NPLOC4: variants seen among roughly 807,000 people sequenced by gnomAD.
NPLOC4 encodes the protein nuclear protein localization protein 4 homolog.
Under a neutral mutation model 80.6 loss-of-function variants are expected in NPLOC4, and 18 were observed. The observed-to-expected ratio is 0.22, with a 90% CI of 0.15 to 0.33. The LOEUF (loss-of-function observed/expected upper bound fraction) is 0.33, where lower values mean the gene tolerates loss of function less well. Among genes scored for constraint, NPLOC4 ranks in the 10% least tolerant of loss-of-function variants. The pLI is 1.00. For missense variants in NPLOC4, 540 were observed against 786.1 expected, an observed-to-expected ratio of 0.69 and a Z score of 3.74; for synonymous variants, 313 against 301.5, an observed-to-expected ratio of 1.04 and a Z score of -0.39.
intron 12 of NPLOC4, among the ~76,000 whole-genome samples, chr17:81,574,900 CAA>C (rs1491102268): frequency 6.7e-6 from 1 of 150,102 alleles, no homozygotes; most frequent in Non-Finnish European, 1.5e-5. Flanking sequence ...CACACACACA[CAA>C]ACACAAAAGC....
At chr17:81,626,779 A>AAATAAT (rs936355755) in intron 2 of NPLOC4, among the ~76,000 whole-genome samples, 7 of 152,136 alleles carry the variant, frequency 4.6e-5, no homozygotes, top group African/African-American at 1.7e-4. Context: ...ACCTAGGCAA[A>AAATAAT]AATAATAATA....
At chr17:81,590,304 A>G (rs2144144773) in intron 11 of NPLOC4, among the ~76,000 whole-genome samples, 1 of 152,254 alleles carries the variant, frequency 6.6e-6, no homozygotes, top group Non-Finnish European at 1.5e-5. Flanking sequence ...GAATGACTTC[A>G]TGTGGGGACA....
rs1402674968 is a variant in NPLOC4 at position 81,572,086 on chromosome 17, G to A, written c.1284C>T (p.Asp428=). The A allele has an allele frequency of 7.5e-6, 12 of 1,607,956 alleles. No homozygotes were observed. Among genetic ancestry groups the A allele is most frequent in the Middle Eastern group, 1.6e-4 (1 of 6,074 alleles). Residue 428 remains aspartate (D), a splice_region_variant and synonymous_variant, in exon 13 of 17, where the codon GAC becomes GAT. Coordinates refer to ENST00000331134, the MANE Select transcript of NPLOC4 (RefSeq NM_017921.4). The surrounding 1 kb of genome is among the most constrained non-coding windows in gnomAD (Gnocchi z 4.5). Reference sequence around the variant, plus strand: ...TGATCTCGTTGCCAAACTTGTCTACGTCCTGCAATAGTCAGAGGGGAACAG... The same window carrying A: ...TGATCTCGTTGCCAAACTTGTCTACATCCTGCAATAGTCAGAGGGGAACAG... ...EQYVPDVFYK[D]VDKFGNEITQ...
intron 11 of NPLOC4, among the ~76,000 whole-genome samples, chr17:81,593,228 G>C (rs1364439153): frequency 1.3e-5 from 2 of 152,030 alleles, no homozygotes; most frequent in South Asian, 2.1e-4. Context: ...GACTACAATA[G>C]TGTAAGCTGA....
At chr17:81,629,379 G>A (rs556591761) in intron 2 of NPLOC4, among the ~76,000 whole-genome samples, 1 of 151,276 alleles carries the variant, frequency 6.6e-6, no homozygotes, top group African/African-American at 2.4e-5. Flanking sequence ...TTTAGTAGAC[G>A]GGGTTTCACC....
At chr17:81,636,753 A>G (rs1305178214) in intron 1 of NPLOC4, among the ~76,000 whole-genome samples, 163 bp downstream of exon 1, 8 of 152,138 alleles carry the variant, frequency 5.3e-5, no homozygotes, top group South Asian at 2.1e-4. Flanking sequence ...GAGGGGGGTG[A>G]AAGTCCCCGA....
At chr17:81,595,300 G>A (rs1402349908) in intron 11 of NPLOC4, among the ~76,000 whole-genome samples, 1 of 151,612 alleles carries the variant, frequency 6.6e-6, no homozygotes, top group Admixed American at 6.6e-5. Flanking sequence ...CAGGCGTGGT[G>A]GTGTGCACTT....
chr17:81,571,031 A>G (rs1363330608), intron 13 of NPLOC4, among the ~76,000 whole-genome samples: 1 of 152,178 alleles, frequency 6.6e-6, no homozygotes, highest in Admixed American at 6.5e-5. Context: ...TGCATGCTCC[A>G]TCAATCTGTT....
intron 2 of NPLOC4, among the ~76,000 whole-genome samples, chr17:81,628,224 G>T (rs1174467413): frequency 1.7e-5 from 2 of 120,678 alleles, no homozygotes; most frequent in African/African-American, 3.0e-5. Flanking sequence ...AAAAAAAAAA[G>T]AAAAAAAAAA....
chr17:81,603,014 C>CACACAT (rs386627318), intron 8 of NPLOC4, among the ~76,000 whole-genome samples: 5,194 of 140,884 alleles, frequency 0.037, 101 homozygotes, highest in Non-Finnish European at 0.049. Context: ...CACACACACA[C>CACACAT]ATATAAAAGT....
chr17:81,560,349 C>T (rs1045308350), intron 16 of NPLOC4, among the ~76,000 whole-genome samples: 3 of 151,676 alleles, frequency 2.0e-5, no homozygotes, highest in Non-Finnish European at 4.4e-5. Flanking sequence ...GGAGGGGAAG[C>T]CTGCAGTGAG....
chr17:81,602,383 A>T (rs2035080018), intron 8 of NPLOC4, among the ~76,000 whole-genome samples: 1 of 150,702 alleles, frequency 6.6e-6, no homozygotes, highest in Non-Finnish European at 1.5e-5. Context: ...TCCCTGTATA[A>T]AAAAAAAAAT....
At chr17:81,634,183 T>C (rs546201384) in intron 1 of NPLOC4, among the ~76,000 whole-genome samples, 4 of 152,138 alleles carry the variant, frequency 2.6e-5, no homozygotes, top group East Asian at 3.9e-4. Flanking sequence ...TTTGTATTTT[T>C]AGTAAAGACG....
intron 1 of NPLOC4, 85 bp downstream of exon 1, chr17:81,636,831 C>T: frequency 3.1e-6 from 4 of 1,286,178 alleles, no homozygotes; most frequent in East Asian, 3.1e-5. Context: ...GCGGCGCCGG[C>T]AGGCCCGCCT....
intron 1 of NPLOC4, among the ~76,000 whole-genome samples, chr17:81,632,908 A>C (rs529224103): frequency 2.0e-3 from 302 of 152,140 alleles, no homozygotes; most frequent in African/African-American, 6.9e-3. Context: ...TATGTTCTCA[A>C]CTTTTAAGTC....
At chr17:81,565,070 T>C (rs973988666) in intron 16 of NPLOC4, 2 of 558,416 alleles carry the variant, frequency 3.6e-6, no homozygotes, top group African/African-American at 1.9e-5. Flanking sequence ...CGTTCCGTAG[T>C]GTCCACCAGC....
chr17:81,589,121 T>C lies in NPLOC4; in HGVS notation c.1121-17A>G. 1.9e-6 allele frequency: 3 copies of C among 1,605,772 alleles called. No homozygotes were observed. The highest frequency in any genetic ancestry group is 2.6e-6 in the Non-Finnish European group (3 of 1,175,246). The stretch of plus-strand genomic sequence containing the variant: ...CAGGACCACCTGCAAGAGAGAGACC[T>C]TTAAAAAGAGTCTACCAAACGGCAT... On this transcript the variant is annotated splice_polypyrimidine_tract_variant and intron_variant, in intron 11 of 16. Transcript: ENST00000331134.
In NPLOC4 at chr17:81,572,195, T is replaced by A. The variant is rs1209646451; in HGVS notation, c.1282-107A>T. The A allele has an allele frequency of 7.6e-6, 4 of 527,032 alleles. No homozygotes were observed. The highest frequency in any genetic ancestry group is 2.0e-5 in the African/African-American group (1 of 49,852). 32.6% of individuals were successfully genotyped at this position (527,032 alleles called of 1,614,324 possible). ...TATTTAATTAATTAATTTATTTATT[T>A]ATTTATTTTTTGAGACAGAGTCTTG... On this transcript the variant is annotated intron_variant, in intron 12 of 16. Transcript: ENST00000331134. This position sits in a 1 kb window ranked among gnomAD's most constrained non-coding sequence, Gnocchi z 4.5.
intron 6 of NPLOC4, among the ~76,000 whole-genome samples, chr17:81,607,439 G>A (rs1016060425): frequency 1.3e-5 from 2 of 151,872 alleles, no homozygotes; most frequent in African/African-American, 4.8e-5. Flanking sequence ...TAGACGTGAG[G>A]TTTTGTTTTT....
Sources: gnomAD v4.1 joint callset for allele counts (sites outside exome capture counted in the v4.1 genomes callset) on GRCh38, gnomAD v4.1.1 for gene constraint, Gnocchi (gnomAD v3.1) non-coding constraint, MANE v1.5 for transcripts, NCBI Gene and HGNC (gene_info 2026-07-23, HGNC 2026-07-21) for gene names.